Variants in ADAT1 observed in about 807,000 individuals in gnomAD.
ADAT1 encodes the protein tRNA-specific adenosine deaminase 1.
In ADAT1, 58 loss-of-function variants were observed where a neutral mutation model predicts 58.6. That is an observed-to-expected ratio of 0.99 (90% CI 0.80 to 1.23). The LOEUF is 1.23. Ranked by LOEUF, ADAT1 falls within the 50% of genes most tolerant of loss-of-function variation. The pLI, the probability that ADAT1 is intolerant of heterozygous loss-of-function variation, is 0.00. For missense variants in ADAT1, 741 were observed against 608.6 expected (o/e 1.22, Z -2.29); for synonymous variants, 254 against 220.8 (o/e 1.15, Z -1.33).
chr16:75,600,108 CAGAA>C lies in ADAT1; in HGVS notation c.*104_*107del. 6.5e-7 allele frequency: 1 copy of C among 1,543,082 alleles called. No individual in the cohort carries two copies. Among genetic ancestry groups the C allele is most frequent in the Non-Finnish European group, 8.7e-7 (1 of 1,143,088 alleles). ...TATTACACAACAGAGATGCAAAGCTCAGAAAGAATGTTCCCTGATTTAACTACCA... is the reference window on the plus strand; with the variant it reads ...TATTACACAACAGAGATGCAAAGCTCAGAATGTTCCCTGATTTAACTACCA... On this transcript the variant is annotated 3_prime_UTR_variant, in exon 10 of 10. Transcript: ENST00000564657.
Position 75,612,266 on chromosome 16 carries a change from G to C in ADAT1, c.1020C>G (p.Ala340=). The change falls in exon 6 of 10, where the codon GCC becomes GCG. Residue 340 remains alanine (A), a synonymous_variant. Transcript: ENST00000564657. The part of the protein sequence containing the change: ...VIGKCPYSQE[A]MQRALIGRCQ... ...ACCTTCCAATCAGTGCTCTCTGCAT[G>C]GCTTCCTGGCTGTATGGGCACTTCC... The C allele has an allele frequency of 6.2e-7, 1 of 1,614,116 alleles. No homozygotes were observed. The highest frequency in any genetic ancestry group is 1.1e-5 in the South Asian group (1 of 91,070).
rs1402015968 is a variant in ADAT1 at position 75,600,279 on chromosome 16, T to C, written c.1446A>G (p.Thr482=). The C allele has an allele frequency of 6.2e-7, 1 of 1,614,028 alleles. No homozygotes were observed. The highest frequency in any genetic ancestry group is 8.5e-7 in the Non-Finnish European group (1 of 1,180,004). ...AASSYQEAWS[T]LRKQVFGSWI... The stretch of plus-strand genomic sequence containing the variant: ...AGGATCCAAACACCTGCTTCCGGAG[T>C]GTGCTCCAGGCTTCCTGGTAAGAGG... Residue 482 remains threonine (T), a synonymous_variant, in exon 10 of 10, where the codon ACA becomes ACG. Transcript: ENST00000564657.
At chr16:75,618,711 C>A in intron 3 of ADAT1, 71 bp from the exon 4 acceptor site, 1 of 1,566,810 alleles carries the variant, frequency 6.4e-7, no homozygotes, top group Non-Finnish European at 8.7e-7. Context: ...AGAAGCAGAA[C>A]ACAGCAGTCC....
At chr16:75,618,826 G>T in intron 3 of ADAT1, 186 bp from the exon 4 acceptor site, 1 of 603,010 alleles carries the variant, frequency 1.7e-6, no homozygotes, top group Non-Finnish European at 2.7e-6. Context: ...ACCCAGCACT[G>T]TAGACATTTT....
intron 4 of ADAT1, 78 bp downstream of exon 4, chr16:75,618,508 C>CTA: frequency 1.1e-6 from 1 of 905,784 alleles, no homozygotes; most frequent in African/African-American, 1.9e-5. Context: ...TCTGTCCCCC[C>CTA]CAAAAAAAAA....
intron 8 of ADAT1, 98 bp downstream of exon 8, chr16:75,608,126 T>C: frequency 3.0e-6 from 3 of 1,003,576 alleles, no homozygotes; most frequent in South Asian, 1.3e-5. Flanking sequence ...CTAATGGGTA[T>C]GGTTGTTCTT....
In ADAT1 at chr16:75,598,704, A is replaced by G. The variant is rs776998032; in HGVS notation, c.*1512T>C. 3.3e-5 allele frequency among the ~76,000 whole-genome samples: 5 copies of G among 151,668 alleles called. No homozygotes were observed. Among genetic ancestry groups the G allele is most frequent in the Non-Finnish European group, 5.9e-5 (4 of 67,924 alleles). On this transcript the variant is annotated 3_prime_UTR_variant, in exon 10 of 10. Coordinates refer to ENST00000564657, the MANE Select transcript of ADAT1 (RefSeq NM_001324445.2). ...CGGCTAATTTTTGTATTTTTAGCAGAGACGGGGTTTCATCATGTTGGCCAG... is the reference window on the plus strand; with the variant it reads ...CGGCTAATTTTTGTATTTTTAGCAGGGACGGGGTTTCATCATGTTGGCCAG...
At chr16:75,602,962 G>A (rs1412933254) in intron 9 of ADAT1, 123 bp downstream of exon 9, 2 of 801,112 alleles carry the variant, frequency 2.5e-6, no homozygotes, top group Admixed American at 2.2e-5. Context: ...AGAACTTGTG[G>A]TCAACAATAA....
intron 2 of ADAT1, 44 bp downstream of exon 2, chr16:75,620,587 C>G: frequency 6.2e-7 from 1 of 1,601,948 alleles, no homozygotes; most frequent in Non-Finnish European, 8.5e-7. Flanking sequence ...CATAATTTTA[C>G]CATCTCTCAC....
At chr16:75,618,766 A>C (rs2081832313) in intron 3 of ADAT1, 126 bp from the exon 4 acceptor site, 6 of 1,047,418 alleles carry the variant, frequency 5.7e-6, no homozygotes, top group Non-Finnish European at 4.2e-6. Flanking sequence ...GAGCTTTGCC[A>C]GAAGGTACCA....
intron 6 of ADAT1, among the ~76,000 whole-genome samples, chr16:75,610,523 C>T (rs958047756): frequency 1.3e-5 from 2 of 152,158 alleles, no homozygotes; most frequent in African/African-American, 4.8e-5. Context: ...TCTTGAACTC[C>T]TGGACTCAAG....
Position 75,599,148 on chromosome 16 carries a change from C to A in ADAT1, c.*1068G>T, listed in dbSNP as rs2081155976. 1.0e-6 allele frequency: 1 copy of A among 952,618 alleles called. No homozygotes were observed. The allele number at this position is 952,618 out of a possible 1,614,324, so 59.0% of individuals were successfully genotyped here. A position where few individuals can be genotyped will look rare whatever the true frequency, so the allele number is the denominator to read the frequency against. On this transcript the variant is annotated 3_prime_UTR_variant, in exon 10 of 10. Transcript: ENST00000564657. ...CCAGGCTGGAGTGCAGCGGTACGAT[C>A]TTTGCTCACCACTACCTCCGCCTCC...
chr16:75,613,363 G>C (rs899998713), intron 5 of ADAT1, among the ~76,000 whole-genome samples: 1 of 152,160 alleles, frequency 6.6e-6, no homozygotes, highest in East Asian at 1.9e-4. Context: ...GTGCAGTGGG[G>C]TGATCTCTGC....
chr16:75,618,695 G>A, intron 3 of ADAT1, 55 bp from the exon 4 acceptor site: 1 of 1,599,724 alleles, frequency 6.3e-7, no homozygotes, highest in Non-Finnish European at 8.5e-7. Context: ...AGAGGGTCTG[G>A]TTCCTAGAAG....
chr16:75,603,476 T>TC (rs2081280095), intron 8 of ADAT1, among the ~76,000 whole-genome samples: 1 of 152,218 alleles, frequency 6.6e-6, no homozygotes, highest in Admixed American at 6.5e-5. Context: ...TCTGGCTAAA[T>TC]CCTTTCAAGG....
chr16:75,620,232 C>G, intron 3 of ADAT1, 34 bp downstream of exon 3: 1 of 1,609,036 alleles, frequency 6.2e-7, no homozygotes, highest in Non-Finnish European at 8.5e-7. Flanking sequence ...TGGTTTCAAG[C>G]TAAATCTTTG....
At chr16:75,613,557 C>T (rs1162547290) in intron 5 of ADAT1, among the ~76,000 whole-genome samples, 3 of 152,166 alleles carry the variant, frequency 2.0e-5, no homozygotes, top group African/African-American at 7.2e-5. Flanking sequence ...GTGATCCGCC[C>T]ACCTTGGCCT....
At chr16:75,619,992 A>C (rs887794335) in intron 3 of ADAT1, among the ~76,000 whole-genome samples, 3 of 152,018 alleles carry the variant, frequency 2.0e-5, no homozygotes, top group Non-Finnish European at 2.9e-5. Context: ...TTCCAGACCT[A>C]ATGTGGAATA....
chr16:75,598,294 T>C lies in ADAT1; in HGVS notation c.*1922A>G, dbSNP rs1416142725. ...CTTCACCATGTTGGCCAGGATGGTCTTGATCTCCTGACGTCGTGATCTGCC... is the reference window on the plus strand; with the variant it reads ...CTTCACCATGTTGGCCAGGATGGTCCTGATCTCCTGACGTCGTGATCTGCC... On this transcript the variant is annotated 3_prime_UTR_variant, in exon 10 of 10. Transcript: ENST00000564657. The C allele has an allele frequency of 9.3e-6, 3 of 323,608 alleles. No homozygotes were observed. The highest frequency in any genetic ancestry group is 1.9e-5 in the Non-Finnish European group (3 of 160,718). The allele number at this position is 323,608 out of a possible 1,614,324, so 20.0% of individuals were successfully genotyped here. A position where few individuals can be genotyped will look rare whatever the true frequency, so the allele number is the denominator to read the frequency against.
Sources: gnomAD v4.1 joint callset for allele counts (sites outside exome capture counted in the v4.1 genomes callset) on GRCh38, gnomAD v4.1.1 for gene constraint, MANE v1.5 for transcripts, NCBI Gene and HGNC (gene_info 2026-07-23, HGNC 2026-07-21) for gene names.